The following MSRA variants were observed in gnomAD, a reference collection of about 807,000 sequenced individuals.
MSRA encodes the protein methionine sulfoxide reductase A, also known as mitochondrial peptide methionine sulfoxide reductase.
Under a neutral mutation model 31.3 loss-of-function variants are expected in MSRA, and 54 were observed. The ratio of observed to expected loss-of-function variants is 1.73; its 90% confidence interval spans 1.39 to 2.17. The LOEUF (loss-of-function observed/expected upper bound fraction) is 2.17, where lower values mean the gene tolerates loss of function less well. Among genes scored for constraint, MSRA ranks in the 30% most tolerant of loss-of-function variants. MSRA has a pLI of 0.00. For synonymous variants in MSRA, 169 were observed against 116.5 expected (o/e 1.45, Z -2.90); for missense variants, 507 against 300.9 (o/e 1.69, Z -5.07).
At chr8:10,332,976 CTT>C (rs754652731) in intron 5 of MSRA, among the ~76,000 whole-genome samples, 84 of 152,202 alleles carry the variant, frequency 5.5e-4, no homozygotes, top group Non-Finnish European at 9.7e-4. Context: ...CGGTATCAGT[CTT>C]TTATTCACTT....
At chr8:10,081,159 A>T (rs968917857) in intron 1 of MSRA, among the ~76,000 whole-genome samples, 1 of 152,158 alleles carries the variant, frequency 6.6e-6, no homozygotes, top group African/African-American at 2.4e-5. Flanking sequence ...CAACAGCAGG[A>T]AGGGGTTGAT....
intron 3 of MSRA, among the ~76,000 whole-genome samples, chr8:10,272,491 C>A (rs1297220176): frequency 4.6e-5 from 7 of 152,198 alleles, no homozygotes; most frequent in Non-Finnish European, 8.8e-5. Flanking sequence ...TCTATTCAGG[C>A]CTTCAACTTA....
intron 1 of MSRA, among the ~76,000 whole-genome samples, chr8:10,163,234 G>C (rs1804820586): frequency 1.3e-5 from 2 of 152,188 alleles, no homozygotes; most frequent in Admixed American, 1.3e-4. Context: ...AAGCCACCCA[G>C]TCTGTGGCAG....
intron 5 of MSRA, among the ~76,000 whole-genome samples, chr8:10,351,678 AGTGCCACCT>A (rs1458474648): frequency 6.6e-6 from 1 of 152,258 alleles, no homozygotes; most frequent in Non-Finnish European, 1.5e-5. Flanking sequence ...TCATTTAGAC[AGTGCCACCT>A]GTAAGAAGAC....
Position 10,248,644 on chromosome 8 carries a change from A to G in MSRA, c.331+3421A>G, listed in dbSNP as rs139322980. Reference sequence around the variant, plus strand: ...GGATTCATATCCGAATGGTATTTCTATGTGGAAATTGATAGGCCAGTGACT... The same window carrying G: ...GGATTCATATCCGAATGGTATTTCTGTGTGGAAATTGATAGGCCAGTGACT... On this transcript the variant is annotated intron_variant, in intron 3 of 5. Coordinates refer to ENST00000317173, the MANE Select transcript of MSRA (RefSeq NM_012331.5). Among the ~76,000 whole-genome samples the G allele has an allele frequency of 3.0e-3, 454 of 152,284 alleles. 1 individual carries two copies. The highest frequency in any genetic ancestry group is 6.7e-3 in the Admixed American group (102 of 15,304).
At chr8:10,350,689 C>G (rs899855984) in intron 5 of MSRA, among the ~76,000 whole-genome samples, 1 of 152,210 alleles carries the variant, frequency 6.6e-6, no homozygotes, top group Non-Finnish European at 1.5e-5. Flanking sequence ...GGCCCTGTAT[C>G]TCTGGCCTGG....
At chr8:10,241,532 C>G (rs1812411508) in intron 2 of MSRA, among the ~76,000 whole-genome samples, 1 of 152,224 alleles carries the variant, frequency 6.6e-6, no homozygotes. Flanking sequence ...ATTTATCTTC[C>G]CTGTCCCATG....
chr8:10,075,620 G>A (rs1797960449), intron 1 of MSRA, among the ~76,000 whole-genome samples: 1 of 152,178 alleles, frequency 6.6e-6, no homozygotes, highest in South Asian at 2.1e-4. Flanking sequence ...ACAGTTATCT[G>A]CAGTTTCCCC....
chr8:10,163,512 C>T (rs1033034712), intron 1 of MSRA, among the ~76,000 whole-genome samples: 2 of 152,224 alleles, frequency 1.3e-5, no homozygotes, highest in South Asian at 2.1e-4. Flanking sequence ...TTCTGCCCTT[C>T]ACCTTGGGAG....
chr8:10,193,546 T>C (rs556584311), intron 1 of MSRA, among the ~76,000 whole-genome samples: 2 of 152,270 alleles, frequency 1.3e-5, no homozygotes, highest in Non-Finnish European at 2.9e-5. Flanking sequence ...CTAATCTCCA[T>C]CTGTTAGTGA....
chr8:10,164,938 G>C (rs1804986770), intron 1 of MSRA, among the ~76,000 whole-genome samples: 2 of 152,184 alleles, frequency 1.3e-5, no homozygotes, highest in African/African-American at 4.8e-5. Flanking sequence ...TGAGGCAGGA[G>C]AATCACTTGA....
intron 1 of MSRA, among the ~76,000 whole-genome samples, chr8:10,161,056 A>G (rs943058247): frequency 1.3e-5 from 2 of 152,226 alleles, no homozygotes; most frequent in South Asian, 2.1e-4. Context: ...TAAAGCCACT[A>G]TATTACAGTG....
At chr8:10,175,044 C>T (rs1243380796) in intron 1 of MSRA, among the ~76,000 whole-genome samples, 1 of 152,132 alleles carries the variant, frequency 6.6e-6, no homozygotes, top group Non-Finnish European at 1.5e-5. Context: ...TGTGATCTAC[C>T]CGAACATGAT....
rs544334407 is a variant in MSRA at position 10,428,455 on chromosome 8, A to G, written c.*143A>G. The G allele has an allele frequency of 7.8e-6, 7 of 891,864 alleles. No individual in the cohort carries two copies. The highest frequency in any genetic ancestry group is 1.6e-5 in the South Asian group (1 of 62,590). 55.2% of individuals were successfully genotyped at this position (891,864 alleles called of 1,614,324 possible). On this transcript the variant is annotated 3_prime_UTR_variant, in exon 6 of 6. Transcript: ENST00000317173. ...TACAGATTGGGTTTACCGAAGTATA[A>G]TCTATAGGAGGCGCGATGGCAAGTT...
rs983611859 is a variant in MSRA, at chr8:10,280,660, A to C, written c.332-20874A>C. Among the ~76,000 whole-genome samples the C allele has an allele frequency of 4.6e-5, 7 of 152,214 alleles. No individual in the cohort carries two copies. In the South Asian group the frequency reaches 1.2e-3, roughly 27 times the overall value. On this transcript the variant is annotated intron_variant, in intron 3 of 5. Coordinates refer to ENST00000317173, the MANE Select transcript of MSRA (RefSeq NM_012331.5). Reference sequence around the variant, plus strand: ...GGTTAGTCTATGACTCAGCAATTCTACTCTTAGGTATATACCCAAGAGTCA... The same window carrying C: ...GGTTAGTCTATGACTCAGCAATTCTCCTCTTAGGTATATACCCAAGAGTCA...
chr8:10,242,474 G>A (rs1488464354), intron 2 of MSRA, among the ~76,000 whole-genome samples: 8 of 152,110 alleles, frequency 5.3e-5, no homozygotes, highest in African/African-American at 1.9e-4. Flanking sequence ...AGGGTAGATG[G>A]CAAACTTCTG....
intron 1 of MSRA, among the ~76,000 whole-genome samples, chr8:10,091,119 A>T (rs1179374353): frequency 6.6e-6 from 1 of 152,206 alleles, no homozygotes; most frequent in South Asian, 2.1e-4. Flanking sequence ...TTCTTTTCCT[A>T]GGATAAATCC....
intron 5 of MSRA, among the ~76,000 whole-genome samples, chr8:10,366,182 AAG>A (rs1805154405): frequency 1.3e-5 from 2 of 152,170 alleles, no homozygotes; most frequent in South Asian, 2.1e-4. Context: ...GATTTTTTGA[AAG>A]AGAGAAAGAG....
chr8:10,223,963 G>T (rs1280649352), intron 2 of MSRA, among the ~76,000 whole-genome samples: 1 of 152,158 alleles, frequency 6.6e-6, no homozygotes, highest in African/African-American at 2.4e-5. Context: ...TCACACCTGG[G>T]TTCAAATCCC....
Sources: allele counts gnomAD v4.1 joint callset (sites outside exome capture counted in the v4.1 genomes callset), GRCh38; gene constraint gnomAD v4.1.1; transcripts MANE v1.5; gene names NCBI Gene and HGNC (gene_info 2026-07-23, HGNC 2026-07-21).